Variants in SLC16A12 observed in about 807,000 individuals in gnomAD.
SLC16A12 encodes the protein monocarboxylate transporter 12.
A neutral mutation model predicts 42.4 loss-of-function variants in SLC16A12; 17 were observed. The observed-to-expected ratio is 0.40, with a 90% CI of 0.27 to 0.60. The LOEUF (loss-of-function observed/expected upper bound fraction) is 0.60, where lower values mean the gene tolerates loss of function less well. SLC16A12 is among the 20% of genes least tolerant of loss of function. The pLI, the probability that SLC16A12 is intolerant of heterozygous loss-of-function variation, is 0.42. For missense variants in SLC16A12, 544 were observed against 623.0 expected (o/e 0.87, Z 1.35); for synonymous variants, 224 against 229.4 (o/e 0.98, Z 0.21).
intron 2 of SLC16A12, among the ~76,000 whole-genome samples, chr10:89,507,405 GT>G (rs1843081337): frequency 6.6e-6 from 1 of 152,224 alleles, no homozygotes; most frequent in Non-Finnish European, 1.5e-5. Context: ...CCAGAAGGGA[GT>G]GGGGGCCAAT....
chr10:89,459,453 A>C (rs1387652720), intron 3 of SLC16A12, among the ~76,000 whole-genome samples: 1 of 151,676 alleles, frequency 6.6e-6, no homozygotes, highest in Non-Finnish European at 1.5e-5. Context: ...TGGTGTGTGT[A>C]TGAGAATAGT....
At chr10:89,452,680 A>C (rs1016386449) in intron 3 of SLC16A12, among the ~76,000 whole-genome samples, 11 of 152,186 alleles carry the variant, frequency 7.2e-5, no homozygotes, top group Non-Finnish European at 1.5e-4. Flanking sequence ...CTAAATTCTA[A>C]GTCCCAGCAG....
chr10:89,521,218 T>A (rs1238574688), intron 2 of SLC16A12, among the ~76,000 whole-genome samples: 1 of 152,198 alleles, frequency 6.6e-6, no homozygotes, highest in African/African-American at 2.4e-5. Context: ...ATAGACATTG[T>A]AGCTGATCCC....
chr10:89,455,975 T>C (rs996701351), intron 3 of SLC16A12: 1 of 152,214 alleles, frequency 6.6e-6, no homozygotes, highest in East Asian at 1.9e-4. Context: ...TGTGACGAAA[T>C]GACATTCTCA....
intron 2 of SLC16A12, among the ~76,000 whole-genome samples, chr10:89,491,566 A>G (rs377509132): frequency 6.6e-6 from 1 of 151,858 alleles, no homozygotes; most frequent in African/African-American, 2.4e-5. Flanking sequence ...ATTAAGCTGG[A>G]AAGAGGAAAG....
intron 2 of SLC16A12, among the ~76,000 whole-genome samples, chr10:89,510,266 T>G (rs1296821654): frequency 3.3e-5 from 5 of 152,138 alleles, no homozygotes; most frequent in Non-Finnish European, 4.4e-5. Context: ...TAAAAGAGCC[T>G]GCATAGCCAA....
chr10:89,436,636 A>C (rs113076575), intron 6 of SLC16A12, among the ~76,000 whole-genome samples: 153 of 152,212 alleles, frequency 1.0e-3, no homozygotes, highest in African/African-American at 3.5e-3. Context: ...TCACAGGGTT[A>C]CTCTGAAATT....
chr10:89,545,564 A>G (rs1276920727), intron 2 of SLC16A12, among the ~76,000 whole-genome samples: 1 of 151,992 alleles, frequency 6.6e-6, no homozygotes, highest in Non-Finnish European at 1.5e-5. Context: ...ATAAGAGAGG[A>G]CCCAAACAAA....
intron 2 of SLC16A12, among the ~76,000 whole-genome samples, chr10:89,464,761 T>C (rs989319400): frequency 1.3e-5 from 2 of 152,112 alleles, no homozygotes; most frequent in African/African-American, 2.4e-5. Flanking sequence ...AGAGAGTGCA[T>C]ACAGAGCAGG....
intron 2 of SLC16A12, among the ~76,000 whole-genome samples, chr10:89,494,057 T>C (rs1212283216): frequency 1.3e-5 from 2 of 152,232 alleles, no homozygotes; most frequent in South Asian, 2.1e-4. Context: ...TCCCCCACGC[T>C]ATATTTCTTC....
chr10:89,460,717 C>G (rs1350052204), intron 3 of SLC16A12, among the ~76,000 whole-genome samples: 1 of 145,066 alleles, frequency 6.9e-6, no homozygotes, highest in East Asian at 2.0e-4. Flanking sequence ...TGCACTCCAG[C>G]CTGAGCAACA....
intron 3 of SLC16A12, among the ~76,000 whole-genome samples, chr10:89,447,267 T>C (rs945331503): frequency 6.6e-6 from 1 of 152,134 alleles, no homozygotes; most frequent in Admixed American, 6.5e-5. Flanking sequence ...CTAACAGACA[T>C]CTACAGAACT....
At chr10:89,460,659 C>T (rs1329105089) in intron 3 of SLC16A12, among the ~76,000 whole-genome samples, 3 of 148,720 alleles carry the variant, frequency 2.0e-5, no homozygotes, top group African/African-American at 5.0e-5. Context: ...GCAGGAGAAT[C>T]GCTTGAATCT....
chr10:89,502,953 T>C (rs1215295315), intron 2 of SLC16A12, among the ~76,000 whole-genome samples: 1 of 152,230 alleles, frequency 6.6e-6, no homozygotes, highest in Non-Finnish European at 1.5e-5. Flanking sequence ...ACATGTGCGC[T>C]ATCTACAATC....
chr10:89,490,017 A>C (rs905584955), intron 2 of SLC16A12, among the ~76,000 whole-genome samples: 1 of 152,334 alleles, frequency 6.6e-6, no homozygotes, highest in African/African-American at 2.4e-5. Flanking sequence ...GTTCACTTGA[A>C]AATCAAAAAA....
chr10:89,502,600 C>T (rs983844225), intron 2 of SLC16A12, among the ~76,000 whole-genome samples: 2 of 152,210 alleles, frequency 1.3e-5, no homozygotes, highest in Admixed American at 6.5e-5. Flanking sequence ...CAGAGCCATG[C>T]ACTGGACAGC....
chr10:89,520,720 C>CA (rs10712043), intron 2 of SLC16A12, among the ~76,000 whole-genome samples: 15,411 of 99,966 alleles, frequency 0.15, 1,262 homozygotes, highest in East Asian at 0.28. Context: ...TCACATAGGC[C>CA]AAAAAAAAAA....
intron 4 of SLC16A12, 107 bp from the exon 5 acceptor site, chr10:89,441,358 C>T: frequency 7.3e-7 from 1 of 1,376,500 alleles, no homozygotes; most frequent in Non-Finnish European, 1.0e-6. Flanking sequence ...ATTGAGCCCA[C>T]CCTATTAATT....
chr10:89,527,893 G>T (rs1211895014), intron 2 of SLC16A12, among the ~76,000 whole-genome samples: 1 of 151,918 alleles, frequency 6.6e-6, no homozygotes, highest in African/African-American at 2.4e-5. Context: ...TTCAGAATCT[G>T]TATCAGTCAC....
Sources: allele counts gnomAD v4.1 joint callset (sites outside exome capture counted in the v4.1 genomes callset), GRCh38; gene constraint gnomAD v4.1.1; transcripts MANE v1.5; gene names NCBI Gene and HGNC (gene_info 2026-07-23, HGNC 2026-07-21).